The following KIF18A variants were observed in gnomAD, a reference collection of about 807,000 sequenced individuals.
KIF18A encodes kinesin family member 18A, also known as kinesin-like protein KIF18A.
Under a neutral mutation model 103.3 loss-of-function variants are expected in KIF18A, and 67 were observed. The observed-to-expected ratio is 0.65, with a 90% CI of 0.53 to 0.79. The LOEUF (loss-of-function observed/expected upper bound fraction) is 0.79. Among genes scored for constraint, KIF18A ranks in the 30% least tolerant of loss-of-function variants. The probability of loss-of-function intolerance (pLI) is 0.00; values close to 1 mark genes in which losing one functional copy is unlikely to be tolerated. For missense variants in KIF18A, 1,032 were observed against 1,062.5 expected (o/e 0.97, Z 0.40); for synonymous variants, 367 against 355.5 (o/e 1.03, Z -0.36).
intron 13 of KIF18A, among the ~76,000 whole-genome samples, chr11:28,056,358 T>C (rs926899064): frequency 2.6e-5 from 4 of 152,100 alleles, no homozygotes; most frequent in Non-Finnish European, 2.9e-5. Flanking sequence ...TTAAGGATCA[T>C]TTGATAAAGC....
chr11:28,059,585 C>T (rs889883647), intron 12 of KIF18A, among the ~76,000 whole-genome samples: 1 of 152,028 alleles, frequency 6.6e-6, no homozygotes, highest in African/African-American at 2.4e-5. Context: ...ATGTGTGCCA[C>T]TACACTGACT....
chr11:28,083,334 GTT>G (rs1332594799), intron 7 of KIF18A, 91 bp from the exon 8 acceptor site: 2 of 1,334,110 alleles, frequency 1.5e-6, no homozygotes, highest in Non-Finnish European at 2.0e-6. Flanking sequence ...TTTTCATTGA[GTT>G]CCATGAATTC....
intron 11 of KIF18A, 72 bp downstream of exon 11, chr11:28,069,187 A>G: frequency 8.6e-7 from 1 of 1,162,708 alleles, no homozygotes. Flanking sequence ...ACATTTACTC[A>G]ATAAGAAAAA....
intron 13 of KIF18A, among the ~76,000 whole-genome samples, chr11:28,037,138 T>A (rs1207222439): frequency 6.6e-6 from 1 of 151,602 alleles, no homozygotes; most frequent in African/African-American, 2.4e-5. Flanking sequence ...AGGTTTGTTA[T>A]ATGAGTATAC....
chr11:28,084,230 C>T (rs958803691), intron 7 of KIF18A: 7 of 152,040 alleles, frequency 4.6e-5, no homozygotes, highest in African/African-American at 1.4e-4. Flanking sequence ...GCTTAACTAA[C>T]ATATCCAAGA....
At chr11:28,092,061 C>T (rs1433750503) in intron 3 of KIF18A, among the ~76,000 whole-genome samples, 4 of 152,126 alleles carry the variant, frequency 2.6e-5, no homozygotes, top group Admixed American at 2.0e-4. Flanking sequence ...GTGATCCGCC[C>T]ACCTCGGCCT....
At chr11:28,052,053 T>G (rs1850718013) in intron 13 of KIF18A, among the ~76,000 whole-genome samples, 1 of 152,102 alleles carries the variant, frequency 6.6e-6, no homozygotes, top group South Asian at 2.1e-4. Context: ...TCTAATTTTC[T>G]TGGAAATCTT....
chr11:28,107,468 C>A (rs769500631), intron 1 of KIF18A, among the ~76,000 whole-genome samples: 2 of 152,106 alleles, frequency 1.3e-5, no homozygotes, highest in African/African-American at 2.4e-5. Flanking sequence ...GAGCATTTGC[C>A]AAACAGTATC....
At chr11:28,053,040 C>A (rs1399198429) in intron 13 of KIF18A, among the ~76,000 whole-genome samples, 1 of 152,034 alleles carries the variant, frequency 6.6e-6, no homozygotes, top group Non-Finnish European at 1.5e-5. Flanking sequence ...ATGATGAAAA[C>A]CACAATTACT....
chr11:28,101,897 G>A (rs1170341305), intron 1 of KIF18A, among the ~76,000 whole-genome samples: 1 of 152,132 alleles, frequency 6.6e-6, no homozygotes, highest in African/African-American at 2.4e-5. Context: ...TCCTATCTAA[G>A]GGGTCTGGGG....
rs1851183830 is a variant in KIF18A, at chr11:28,082,956, T to C, written c.1162A>G (p.Lys388Glu). Residue 388 changes from lysine to glutamate, a missense_variant, in exon 9 of 17, where the codon AAA becomes GAA. Lys to Glu is a moderately conservative substitution (Grantham distance 56, BLOSUM62 1). Coordinates refer to ENST00000263181, the MANE Select transcript of KIF18A (RefSeq NM_031217.4). ...TCTTCATAGGCTTTTAGTTTTTCTT[T>C]TAACAATAAAATCTAGTAGAGAGAA... ...NEQKAEILLL[K>E]EKLKAYEEQK... is the part of the protein sequence containing the mutation. 1 of 1,580,308 alleles carries C rather than the reference T, an allele frequency of 6.3e-7. No individual in the cohort carries two copies. The highest frequency in any genetic ancestry group is 8.6e-7 in the Non-Finnish European group (1 of 1,160,764).
intron 13 of KIF18A, among the ~76,000 whole-genome samples, chr11:28,039,632 T>A (rs774605068): frequency 1.3e-5 from 2 of 151,700 alleles, no homozygotes; most frequent in Non-Finnish European, 2.9e-5. Flanking sequence ...AATATCCACG[T>A]GTCCTCTGGG....
At chr11:28,022,211 T>G (rs182995660) in intron 16 of KIF18A, among the ~76,000 whole-genome samples, 352 of 152,252 alleles carry the variant, frequency 2.3e-3, no homozygotes, top group Non-Finnish European at 4.0e-3. Flanking sequence ...AAATATTTGA[T>G]GAATTTGTAT....
At chr11:28,076,030 C>G (rs1244744068) in intron 10 of KIF18A, among the ~76,000 whole-genome samples, 6 of 150,844 alleles carry the variant, frequency 4.0e-5, no homozygotes, top group Admixed American at 4.0e-4. Flanking sequence ...TTTTTTTTTT[C>G]CTGGTATACC....
Position 28,088,690 on chromosome 11 carries a change from C to G in KIF18A, c.731G>C (p.Ser244Thr). ...IYLRQQDKTA[S>T]INQNVRIAKM... is the part of the protein sequence containing the mutation. ...GGCAATACGGACATTTTGATTGATA[C>G]TTGCTGTTTTGTCTTGTTGTCGCAA... Residue 244 changes from serine to threonine, a missense_variant, in exon 6 of 17, where the codon AGT (serine) becomes ACT (threonine). Coordinates refer to ENST00000263181, the MANE Select transcript of KIF18A (RefSeq NM_031217.4). 1 of 1,613,896 alleles carries G rather than the reference C, an allele frequency of 6.2e-7. No homozygotes were observed.
chr11:28,056,934 C>A, intron 13 of KIF18A: 1 of 390,314 alleles, frequency 2.6e-6, no homozygotes, highest in Non-Finnish European at 5.1e-6. Context: ...CTAATAAACA[C>A]CAGATCCCAA....
At chr11:28,047,755 CT>C (rs1160989116) in intron 13 of KIF18A, among the ~76,000 whole-genome samples, 4 of 152,050 alleles carry the variant, frequency 2.6e-5, no homozygotes, top group Non-Finnish European at 2.9e-5. Flanking sequence ...TCTTCACAGA[CT>C]CAAAAATATG....
intron 9 of KIF18A, among the ~76,000 whole-genome samples, chr11:28,077,771 C>T (rs1346275648): frequency 6.6e-6 from 1 of 152,132 alleles, no homozygotes; most frequent in Non-Finnish European, 1.5e-5. Context: ...ACTGACACTT[C>T]CAGGACTTAA....
chr11:28,069,147 T>G, intron 11 of KIF18A, 112 bp downstream of exon 11: 1 of 779,222 alleles, frequency 1.3e-6, no homozygotes, highest in Non-Finnish European at 2.1e-6. Context: ...ATCTCAGAGT[T>G]ATGAGGCAAT....
Sources: allele counts gnomAD v4.1 joint callset (sites outside exome capture counted in the v4.1 genomes callset), GRCh38; gene constraint gnomAD v4.1.1; transcripts MANE v1.5; gene names NCBI Gene and HGNC (gene_info 2026-07-23, HGNC 2026-07-21).